Variants in TRAPPC9 observed in about 807,000 individuals in gnomAD.
The protein encoded by TRAPPC9 is IKK2 binding protein.
In TRAPPC9, 83 loss-of-function variants were observed where a neutral mutation model predicts 124.0. The ratio of observed to expected loss-of-function variants is 0.67; its 90% CI spans 0.56 to 0.80. The LOEUF is 0.80. Ranked by LOEUF, TRAPPC9 falls within the 30% of genes least tolerant of loss-of-function variation. The pLI, the probability that TRAPPC9 is intolerant of heterozygous loss-of-function variation, is 0.00. For missense variants in TRAPPC9, 1,302 were observed against 1,508.3 expected (o/e 0.86, Z 2.27); for synonymous variants, 638 against 617.5 (o/e 1.03, Z -0.49).
intron 7 of TRAPPC9, among the ~76,000 whole-genome samples, chr8:140,371,619 T>G (rs929664233): frequency 1.8e-4 from 16 of 87,680 alleles, no homozygotes; most frequent in African/African-American, 8.5e-4. Context: ...GACTTAAGAC[T>G]TCAGGGTTTA....
intron 7 of TRAPPC9, among the ~76,000 whole-genome samples, chr8:140,371,838 A>C (rs187593705): frequency 6.6e-6 from 1 of 152,082 alleles, no homozygotes; most frequent in Non-Finnish European, 1.5e-5. Flanking sequence ...AGTGTAGCTG[A>C]GATTACAAGC....
intron 20 of TRAPPC9, among the ~76,000 whole-genome samples, chr8:139,899,672 T>A (rs1333687125): frequency 6.6e-6 from 1 of 152,160 alleles, no homozygotes; most frequent in Non-Finnish European, 1.5e-5. Flanking sequence ...CCATCTTCCT[T>A]CTCTGCAAGC....
chr8:139,820,108 G>T (rs1365442240), intron 21 of TRAPPC9, among the ~76,000 whole-genome samples: 1 of 149,972 alleles, frequency 6.7e-6, no homozygotes, highest in African/African-American at 2.5e-5. Flanking sequence ...AATGCCAAAA[G>T]ACATTTTTTT....
chr8:140,281,317 C>A (rs1026649441), intron 14 of TRAPPC9, among the ~76,000 whole-genome samples: 1 of 152,210 alleles, frequency 6.6e-6, no homozygotes, highest in Non-Finnish European at 1.5e-5. Context: ...GCCCTGTGAG[C>A]GGGTGTGAAC....
chr8:139,759,326 C>T (rs1027464461), intron 21 of TRAPPC9, among the ~76,000 whole-genome samples: 1 of 152,178 alleles, frequency 6.6e-6, no homozygotes, highest in African/African-American at 2.4e-5. Flanking sequence ...CTTCCTGGCA[C>T]TGCACTAGGC....
intron 17 of TRAPPC9, among the ~76,000 whole-genome samples, chr8:140,209,975 T>G (rs1352408563): frequency 1.3e-5 from 2 of 152,250 alleles, no homozygotes; most frequent in Non-Finnish European, 2.9e-5. Context: ...TTGGGCTAAC[T>G]TAATCTTTCT....
At chr8:139,768,749 G>C (rs990991118) in intron 21 of TRAPPC9, among the ~76,000 whole-genome samples, 9 of 152,118 alleles carry the variant, frequency 5.9e-5, no homozygotes, top group African/African-American at 2.2e-4. Flanking sequence ...ACTAACATAC[G>C]TGACACCTAG....
intron 3 of TRAPPC9, among the ~76,000 whole-genome samples, chr8:140,437,014 A>G (rs890258267): frequency 1.3e-5 from 2 of 152,124 alleles, no homozygotes; most frequent in African/African-American, 4.8e-5. Context: ...CTCAGGATGG[A>G]GTGCAGTGGT....
intron 17 of TRAPPC9, among the ~76,000 whole-genome samples, chr8:140,033,531 GAA>G (rs113030070): frequency 6.8e-6 from 1 of 146,580 alleles, no homozygotes; most frequent in African/African-American, 2.5e-5. Flanking sequence ...AACATCAAAG[GAA>G]AAAAAAAATT....
intron 17 of TRAPPC9, among the ~76,000 whole-genome samples, chr8:140,036,793 G>C (rs1840920759): frequency 6.6e-6 from 1 of 152,194 alleles, no homozygotes; most frequent in South Asian, 2.1e-4. Context: ...TGGAAGCTAA[G>C]ATGCCGCGTG....
chr8:140,262,213 T>G (rs1261399484), intron 15 of TRAPPC9, among the ~76,000 whole-genome samples: 2 of 93,538 alleles, frequency 2.1e-5, no homozygotes, highest in Non-Finnish European at 4.0e-5. Flanking sequence ...TTTTAAGAAG[T>G]GCACTTTTTT....
intron 21 of TRAPPC9, among the ~76,000 whole-genome samples, chr8:139,803,449 A>T (rs1823707440): frequency 6.6e-6 from 1 of 152,218 alleles, no homozygotes; most frequent in South Asian, 2.1e-4. Flanking sequence ...CAGCCACCTC[A>T]TGCGGGAGCC....
At position 139,900,546 on chromosome 8, in the gene TRAPPC9, A is replaced by G. The variant is rs546321603; in HGVS notation, c.2964+9601T>C. On this transcript the variant is annotated intron_variant, in intron 20 of 22. Coordinates refer to ENST00000438773, the MANE Select transcript of TRAPPC9 (RefSeq NM_001160372.4). Reference sequence around the variant, plus strand: ...CAGTAGTCATTCTTCCTTATTTATCACATTTAATTATTTAATCAATATTTG... The same window carrying G: ...CAGTAGTCATTCTTCCTTATTTATCGCATTTAATTATTTAATCAATATTTG... Among the ~76,000 whole-genome samples the G allele has an allele frequency of 2.0e-5, 3 of 152,318 alleles. No homozygotes were observed. The East Asian group carries it at 5.8e-4, about 29-fold the overall frequency.
At chr8:139,808,628 C>A (rs1824226515) in intron 21 of TRAPPC9, among the ~76,000 whole-genome samples, 1 of 152,182 alleles carries the variant, frequency 6.6e-6, no homozygotes, top group Non-Finnish European at 1.5e-5. Flanking sequence ...CCTACCCTCC[C>A]CACCCCCTCT....
At chr8:140,187,058 C>T (rs959188045) in intron 17 of TRAPPC9, among the ~76,000 whole-genome samples, 2 of 152,078 alleles carry the variant, frequency 1.3e-5, no homozygotes, top group South Asian at 2.1e-4. Context: ...TGCTTGGGAC[C>T]GTAAGTGTTT....
Position 140,028,518 on chromosome 8 carries a change from A to T in TRAPPC9, c.2557-4439T>A, listed in dbSNP as rs572884561. On this transcript the variant is annotated intron_variant, in intron 17 of 22. Coordinates refer to ENST00000438773, the MANE Select transcript of TRAPPC9 (RefSeq NM_001160372.4). ...TGCTTTCATCAATGAGGCTCAGAGC[A>T]CCCAGGAAGCAGCACAGGCAGGAAC... 2.0e-5 allele frequency among the ~76,000 whole-genome samples: 3 copies of T among 152,334 alleles called. No individual in the cohort carries two copies. The South Asian group carries it at 6.2e-4, about 32-fold the overall frequency.
chr8:139,921,359 A>C (rs574354521), intron 19 of TRAPPC9, among the ~76,000 whole-genome samples: 7 of 152,296 alleles, frequency 4.6e-5, no homozygotes, highest in African/African-American at 1.7e-4. Context: ...CCCTAAACTC[A>C]GTGCATGGGG....
chr8:140,336,152 G>A lies in TRAPPC9; in HGVS notation c.1495+23898C>T, dbSNP rs1417130249. Among the ~76,000 whole-genome samples the A allele has an allele frequency of 2.0e-5, 3 of 151,750 alleles. No individual in the cohort carries two copies. In the East Asian group the frequency reaches 5.8e-4, roughly 29 times the overall value. On this transcript the variant is annotated intron_variant, in intron 9 of 22. Transcript: ENST00000438773. ...TGAAACCAAAATTTCTTTTCCATCT[G>A]CTCAGTTTTCTCCCCCATGATGAAG...
At chr8:139,731,666 A>G (rs1817832437) in intron 22 of TRAPPC9, among the ~76,000 whole-genome samples, 1 of 152,066 alleles carries the variant, frequency 6.6e-6, no homozygotes, top group Admixed American at 6.5e-5. Flanking sequence ...TGACAGTGAC[A>G]TCACAGTGAT....
Sources: gnomAD v4.1 joint callset for allele counts (sites outside exome capture counted in the v4.1 genomes callset) on GRCh38, gnomAD v4.1.1 for gene constraint, MANE v1.5 for transcripts, NCBI Gene and HGNC (gene_info 2026-07-23, HGNC 2026-07-21) for gene names.